The following TCF7L1 variants were observed in gnomAD, a reference collection of about 807,000 sequenced individuals.
TCF7L1 encodes transcription factor 7 like 1, also known as transcription factor 7-like 1.
In TCF7L1, 18 loss-of-function variants were observed where a neutral mutation model predicts 63.7. The ratio of observed to expected loss-of-function variants is 0.28; its 90% CI spans 0.20 to 0.42. The LOEUF is 0.42. Ranked by LOEUF, TCF7L1 falls within the 10% of genes least tolerant of loss-of-function variation. TCF7L1 has a pLI of 1.00. For synonymous variants in TCF7L1, 355 were observed against 340.9 expected (o/e 1.04, Z -0.46); for missense variants, 654 against 779.3 (o/e 0.84, Z 1.91).
intron 3 of TCF7L1, among the ~76,000 whole-genome samples, chr2:85,218,177 T>C (rs932243393): frequency 6.6e-6 from 1 of 152,092 alleles, no homozygotes; most frequent in African/African-American, 2.4e-5. Context: ...TAATTAACTC[T>C]AGGTGTTTTT....
chr2:85,297,498 G>A (rs1232880575), intron 4 of TCF7L1, among the ~76,000 whole-genome samples: 9 of 152,112 alleles, frequency 5.9e-5, no homozygotes, highest in East Asian at 3.9e-4. Context: ...CACAATCAAC[G>A]TGTCCAGCTC....
chr2:85,173,758 A>C (rs542213614), intron 3 of TCF7L1, among the ~76,000 whole-genome samples: 1 of 149,528 alleles, frequency 6.7e-6, no homozygotes, highest in East Asian at 1.9e-4. Flanking sequence ...TTTTTCTGAG[A>C]CGGAGTCTGT....
intron 3 of TCF7L1, among the ~76,000 whole-genome samples, chr2:85,159,987 T>G (rs915473048): frequency 6.6e-6 from 1 of 152,152 alleles, no homozygotes; most frequent in African/African-American, 2.4e-5. Flanking sequence ...TGTCACATGG[T>G]GGGGGAGTTC....
chr2:85,218,877 T>C (rs149869645), intron 3 of TCF7L1, among the ~76,000 whole-genome samples: 216 of 152,234 alleles, frequency 1.4e-3, no homozygotes, highest in Middle Eastern at 0.01. Context: ...GAATAAGATG[T>C]TCAGAGCCAG....
chr2:85,295,387 A>G (rs137942571), intron 4 of TCF7L1, among the ~76,000 whole-genome samples: 10,515 of 151,876 alleles, frequency 0.069, 460 homozygotes, highest in African/African-American at 0.12. Context: ...TTTTAGTAGA[A>G]ACAGGGTTTC....
intron 4 of TCF7L1, among the ~76,000 whole-genome samples, chr2:85,285,296 A>G (rs1287674236): frequency 3.3e-5 from 5 of 152,126 alleles, no homozygotes; most frequent in African/African-American, 1.2e-4. Flanking sequence ...GAGAAAGAAG[A>G]TATGTGCAGA....
At chr2:85,265,631 G>A (rs951140408) in intron 3 of TCF7L1, among the ~76,000 whole-genome samples, 3 of 152,152 alleles carry the variant, frequency 2.0e-5, no homozygotes, top group Non-Finnish European at 4.4e-5. Context: ...GCTTCCAAAC[G>A]GCTGAGGTCA....
intron 3 of TCF7L1, among the ~76,000 whole-genome samples, chr2:85,282,797 TGTG>T: frequency 2.5e-5 from 2 of 78,928 alleles, no homozygotes. Context: ...AGAGAGATTG[TGTG>T]TGTGTGTGTG....
At chr2:85,145,411 G>A (rs1326189337) in intron 3 of TCF7L1, among the ~76,000 whole-genome samples, 2 of 152,192 alleles carry the variant, frequency 1.3e-5, no homozygotes, top group Non-Finnish European at 2.9e-5. Flanking sequence ...GAAAAATGAA[G>A]TAGGAATGAG....
At chr2:85,271,324 G>A (rs1164930088) in intron 3 of TCF7L1, among the ~76,000 whole-genome samples, 1 of 152,200 alleles carries the variant, frequency 6.6e-6, no homozygotes, top group Non-Finnish European at 1.5e-5. Context: ...TATTGGCCAT[G>A]CTGGTCTTGA....
rs1394592885 is a variant in TCF7L1 at position 85,154,407 on chromosome 2, G to A, written c.441+19957G>A. On this transcript the variant is annotated intron_variant, in intron 3 of 11. Transcript: ENST00000282111. Reference sequence around the variant, plus strand: ...GGGATGTTATTAGGTAGAACGTGCTGGGCTTCATTTCTGCAGGACTTCTCA... The same window carrying A: ...GGGATGTTATTAGGTAGAACGTGCTAGGCTTCATTTCTGCAGGACTTCTCA... 3.6e-4 allele frequency among the ~76,000 whole-genome samples: 55 copies of A among 152,168 alleles called. 2 individuals are homozygous for A. Among genetic ancestry groups the A allele is most frequent in the Admixed American group, 3.6e-3 (55 of 15,282 alleles).
intron 3 of TCF7L1, among the ~76,000 whole-genome samples, chr2:85,197,815 G>A (rs2104273514): frequency 6.6e-6 from 1 of 152,348 alleles, no homozygotes; most frequent in Non-Finnish European, 1.5e-5. Context: ...TCCTGGTTGT[G>A]CAGAGTGGCC....
intron 5 of TCF7L1, chr2:85,303,605 C>T (rs1184071044): frequency 3.1e-6 from 1 of 318,920 alleles, no homozygotes; most frequent in Non-Finnish European, 5.7e-6. Context: ...GGTCCTGTCC[C>T]TCTCTTCCAG....
intron 3 of TCF7L1, among the ~76,000 whole-genome samples, chr2:85,181,473 C>G (rs991508166): frequency 1.3e-5 from 2 of 151,852 alleles, no homozygotes; most frequent in Non-Finnish European, 2.9e-5. Flanking sequence ...GCAAGTAGCC[C>G]GGAGGAAAAA....
At chr2:85,156,303 A>G (rs1298166346) in intron 3 of TCF7L1, among the ~76,000 whole-genome samples, 2 of 152,208 alleles carry the variant, frequency 1.3e-5, no homozygotes, top group Non-Finnish European at 2.9e-5. Context: ...CACTAAGTCA[A>G]AGGGATTTGC....
At chr2:85,217,481 A>C (rs1679735364) in intron 3 of TCF7L1, among the ~76,000 whole-genome samples, 1 of 152,178 alleles carries the variant, frequency 6.6e-6, no homozygotes, top group Non-Finnish European at 1.5e-5. Flanking sequence ...AGGGTGTCAC[A>C]GCCTGTGTCC....
intron 3 of TCF7L1, among the ~76,000 whole-genome samples, chr2:85,267,595 G>A (rs1681007912): frequency 6.8e-6 from 1 of 147,212 alleles, no homozygotes; most frequent in South Asian, 2.1e-4. Context: ...GTTGCAGTGA[G>A]CCAAGATCGC....
In TCF7L1 at chr2:85,211,325, A is replaced by G. The variant is rs141158510; in HGVS notation, c.442-72170A>G. On this transcript the variant is annotated intron_variant, in intron 3 of 11. Coordinates refer to ENST00000282111, the MANE Select transcript of TCF7L1 (RefSeq NM_031283.3). ...AGGTGTGTGCACAGCACTGCCCCTG[A>G]TGTCTGTGACTTTCGGTCAGAGACT... Among the ~76,000 whole-genome samples the G allele has an allele frequency of 1.8e-3, 271 of 152,310 alleles. 4 individuals carry two copies. The highest frequency in any genetic ancestry group is 5.9e-3 in the African/African-American group (246 of 41,574).
At chr2:85,207,499 C>G (rs910887185) in intron 3 of TCF7L1, among the ~76,000 whole-genome samples, 1 of 152,032 alleles carries the variant, frequency 6.6e-6, no homozygotes, top group African/African-American at 2.4e-5. Context: ...AGCTATCCCT[C>G]CAAGAGCAAA....
Sources: allele counts gnomAD v4.1 joint callset (sites outside exome capture counted in the v4.1 genomes callset), GRCh38; gene constraint gnomAD v4.1.1; transcripts MANE v1.5; gene names NCBI Gene and HGNC (gene_info 2026-07-23, HGNC 2026-07-21).